Variants in CHSY3 observed in about 807,000 individuals in gnomAD.
CHSY3 encodes the protein chondroitin sulfate synthase 3.
Under a neutral mutation model 67.2 loss-of-function variants are expected in CHSY3, and 35 were observed. The observed-to-expected ratio is 0.52, with a 90% CI of 0.40 to 0.69. CHSY3 has a LOEUF of 0.69. Ranked by LOEUF, CHSY3 falls within the 30% of genes least tolerant of loss-of-function variation. The pLI is 0.00. For missense variants in CHSY3, 1,069 were observed against 1,138.5 expected, an observed-to-expected ratio of 0.94 and a Z score of 0.88; for synonymous variants, 474 against 434.7, an observed-to-expected ratio of 1.09 and a Z score of -1.12.
intron 2 of CHSY3, among the ~76,000 whole-genome samples, chr5:130,162,554 A>C (rs1383914942): frequency 6.6e-6 from 1 of 152,136 alleles, no homozygotes; most frequent in Non-Finnish European, 1.5e-5. Flanking sequence ...CTTATTTAAG[A>C]AACGGGGTCT....
At chr5:130,067,592 T>C (rs1208136660) in intron 2 of CHSY3, among the ~76,000 whole-genome samples, 1 of 152,066 alleles carries the variant, frequency 6.6e-6, no homozygotes, top group Non-Finnish European at 1.5e-5. Context: ...CTGTACTCTA[T>C]GGTATTGGAC....
At chr5:130,078,596 T>C (rs1766346637) in intron 2 of CHSY3, among the ~76,000 whole-genome samples, 1 of 152,208 alleles carries the variant, frequency 6.6e-6, no homozygotes, top group South Asian at 2.1e-4. Context: ...TTTGTATTTA[T>C]TGCTCTAACC....
In CHSY3 at chr5:130,112,434, C is replaced by T. The variant is rs113772029; in HGVS notation, c.1087-71795C>T. Among the ~76,000 whole-genome samples the T allele has an allele frequency of 1.3e-3, 204 of 152,052 alleles. 2 individuals carry two copies. The highest frequency in any genetic ancestry group is 4.6e-3 in the African/African-American group (189 of 41,490). On this transcript the variant is annotated intron_variant, in intron 2 of 2. Coordinates refer to ENST00000305031, the MANE Select transcript of CHSY3 (RefSeq NM_175856.5). The stretch of plus-strand genomic sequence containing the variant: ...TAGTCAGTAAACCTGGAGTCTGGCC[C>T]GAGAATTTGCATTTCTAAGTTTCAA...
intron 2 of CHSY3, among the ~76,000 whole-genome samples, chr5:130,166,676 T>C (rs775570220): frequency 6.6e-6 from 1 of 152,166 alleles, no homozygotes; most frequent in Non-Finnish European, 1.5e-5. Context: ...ATAATTAGGA[T>C]ATTTTTTCCT....
At chr5:129,975,811 C>A (rs1197364635) in intron 2 of CHSY3, among the ~76,000 whole-genome samples, 4 of 152,036 alleles carry the variant, frequency 2.6e-5, no homozygotes, top group African/African-American at 9.7e-5. Context: ...AATTTGAACT[C>A]ATATTATGGA....
rs371580227 is a variant in CHSY3 at position 130,167,628 on chromosome 5, A to G, written c.1087-16601A>G. Among the ~76,000 whole-genome samples the G allele has an allele frequency of 2.1e-3, 324 of 152,250 alleles. 6 individuals carry two copies. In the South Asian group the frequency reaches 0.036, roughly 17 times the overall value. ...TTTTACTTGATCTGGAAACTGATCT[A>G]AAAGTATAAGCCCTTTCTTACTTTA... On this transcript the variant is annotated intron_variant, in intron 2 of 2. Coordinates refer to ENST00000305031, the MANE Select transcript of CHSY3 (RefSeq NM_175856.5).
intron 2 of CHSY3, among the ~76,000 whole-genome samples, chr5:130,073,134 A>G (rs1474624948): frequency 6.6e-6 from 1 of 152,172 alleles, no homozygotes; most frequent in Non-Finnish European, 1.5e-5. Context: ...CAGAATTGCT[A>G]AAAGAGTAGA....
chr5:130,008,658 G>C (rs1435268840), intron 2 of CHSY3, among the ~76,000 whole-genome samples: 2 of 152,152 alleles, frequency 1.3e-5, no homozygotes, highest in Non-Finnish European at 2.9e-5. Context: ...TTCAGAATCT[G>C]GATGGCAATG....
chr5:130,000,018 T>C (rs1359953877), intron 2 of CHSY3, among the ~76,000 whole-genome samples: 1 of 152,164 alleles, frequency 6.6e-6, no homozygotes, highest in Non-Finnish European at 1.5e-5. Flanking sequence ...AAGAAACTTG[T>C]GATAAATTTC....
chr5:130,137,441 C>A (rs1190407227), intron 2 of CHSY3, among the ~76,000 whole-genome samples: 1 of 152,070 alleles, frequency 6.6e-6, no homozygotes, highest in African/African-American at 2.4e-5. Context: ...ATTTTGCCAT[C>A]CTGATCCTTT....
At chr5:129,913,240 C>T (rs766945239) in intron 2 of CHSY3, among the ~76,000 whole-genome samples, 4 of 152,142 alleles carry the variant, frequency 2.6e-5, no homozygotes, top group Non-Finnish European at 5.9e-5. Context: ...TCTTCTTTCA[C>T]GTTTATTTTC....
intron 2 of CHSY3, among the ~76,000 whole-genome samples, chr5:129,950,166 CAAAA>C (rs34124435): frequency 1.1e-3 from 152 of 138,946 alleles, no homozygotes; most frequent in South Asian, 4.0e-3. Context: ...GACTCCATCT[CAAAA>C]AAAAAAAAAA....
chr5:130,142,023 CTG>C (rs1286144422), intron 2 of CHSY3: 1 of 176,360 alleles, frequency 5.7e-6, no homozygotes, highest in Non-Finnish European at 1.2e-5. Context: ...GTAGCAAATT[CTG>C]TGGCCATCTT....
chr5:129,931,839 T>C (rs894609037), intron 2 of CHSY3, among the ~76,000 whole-genome samples: 2 of 152,008 alleles, frequency 1.3e-5, no homozygotes, highest in Admixed American at 6.6e-5. Context: ...CCCATGGACT[T>C]CTCCCTAAAT....
At chr5:130,002,004 C>A in intron 2 of CHSY3, 1 of 848,518 alleles carries the variant, frequency 1.2e-6, no homozygotes, top group Non-Finnish European at 1.4e-6. Context: ...TAACTTAGAG[C>A]TACTCTCTAA....
intron 2 of CHSY3, among the ~76,000 whole-genome samples, chr5:130,170,574 A>G (rs1232725774): frequency 6.6e-6 from 1 of 152,128 alleles, no homozygotes; most frequent in Non-Finnish European, 1.5e-5. Context: ...ACTGTTTTCC[A>G]TGGAGGTTGA....
intron 2 of CHSY3, among the ~76,000 whole-genome samples, chr5:130,062,383 C>T (rs962930909): frequency 1.3e-5 from 2 of 151,986 alleles, no homozygotes; most frequent in African/African-American, 4.8e-5. Context: ...ATAATGGATA[C>T]TGGGGACTCC....
At chr5:129,937,867 G>C (rs1337314405) in intron 2 of CHSY3, among the ~76,000 whole-genome samples, 1 of 152,022 alleles carries the variant, frequency 6.6e-6, no homozygotes, top group Non-Finnish European at 1.5e-5. Context: ...CAAGGCCTTG[G>C]GAAGCTCTAC....
rs1278171159 is a variant in CHSY3, at chr5:130,165,003, TG to T, written c.1087-19224del. Among the ~76,000 whole-genome samples, 3 of 152,022 alleles carry T rather than the reference TG, an allele frequency of 2.0e-5. No homozygotes were observed. The East Asian group carries it at 5.8e-4, about 29-fold the overall frequency. On this transcript the variant is annotated intron_variant, in intron 2 of 2. Coordinates refer to ENST00000305031, the MANE Select transcript of CHSY3 (RefSeq NM_175856.5). ...CACTAGGAGAGAAAGAAGCCAGTAT[TG>T]GTGGAGTATAGAGGGTGAAAGGTAG...
Sources: allele counts gnomAD v4.1 joint callset (sites outside exome capture counted in the v4.1 genomes callset), GRCh38; gene constraint gnomAD v4.1.1; transcripts MANE v1.5; gene names NCBI Gene and HGNC (gene_info 2026-07-23, HGNC 2026-07-21).